Variants in NCOA3 observed in about 807,000 individuals in gnomAD.
The protein encoded by NCOA3 is nuclear receptor coactivator 3.
NCOA3 carries 51 observed loss-of-function variants against 158.8 expected under a neutral mutation model. The ratio of observed to expected loss-of-function variants is 0.32; its 90% CI spans 0.26 to 0.41. The LOEUF (loss-of-function observed/expected upper bound fraction) is 0.41, where lower values mean the gene tolerates loss of function less well. NCOA3 is among the 10% of genes least tolerant of loss of function. The pLI is 1.00. For synonymous variants in NCOA3, 537 were observed against 592.4 expected (o/e 0.91, Z 1.36); for missense variants, 1,510 against 1,746.6 (o/e 0.86, Z 2.41).
intron 1 of NCOA3, among the ~76,000 whole-genome samples, chr20:47,554,125 T>C (rs999464904): frequency 2.6e-5 from 4 of 152,230 alleles, no homozygotes; most frequent in African/African-American, 7.2e-5. Flanking sequence ...ATTGTGGTTT[T>C]GATTTGCATT....
chr20:47,568,640 A>G (rs1256340579), intron 1 of NCOA3, among the ~76,000 whole-genome samples: 1 of 152,058 alleles, frequency 6.6e-6, no homozygotes, highest in Non-Finnish European at 1.5e-5. Context: ...AAACGATGTA[A>G]GAATTAACCA....
intron 2 of NCOA3, among the ~76,000 whole-genome samples, chr20:47,598,090 C>CA (rs1194623075): frequency 6.7e-6 from 1 of 149,814 alleles, no homozygotes; most frequent in Non-Finnish European, 1.5e-5. Flanking sequence ...CTAAAAAATA[C>CA]AAAAAAATTA....
At chr20:47,588,280 G>A (rs2085569844) in intron 2 of NCOA3, among the ~76,000 whole-genome samples, 1 of 151,568 alleles carries the variant, frequency 6.6e-6, no homozygotes, top group African/African-American at 2.4e-5. Context: ...AACTACAGGT[G>A]CGTGCCACCA....
chr20:47,513,597 A>G (rs549350916), intron 1 of NCOA3, among the ~76,000 whole-genome samples: 1 of 152,042 alleles, frequency 6.6e-6, no homozygotes, highest in Non-Finnish European at 1.5e-5. Flanking sequence ...GTGGTGACAC[A>G]CACCTATAAT....
chr20:47,522,211 TC>T (rs1054689337), intron 1 of NCOA3, among the ~76,000 whole-genome samples: 6 of 147,674 alleles, frequency 4.1e-5, no homozygotes, highest in African/African-American at 1.5e-4. Flanking sequence ...CACGCCATTC[TC>T]CTGCCTCAGC....
At position 47,653,185 on chromosome 20, in the gene NCOA3, CTTAAAATATAGTAA is replaced by C. The variant is rs947764431; in HGVS notation, c.4263+116_4263+129del. 6.8e-6 allele frequency: 9 copies of C among 1,322,982 alleles called. No homozygotes were observed. The Admixed American group carries it at 1.3e-4, about 19-fold the overall frequency. 82.0% of individuals were successfully genotyped at this position (1,322,982 alleles called of 1,614,324 possible). ...GGTATATTTTAACTTGAATGTATAACTTAAAATATAGTAATTGAAAAAACTTGGTTTGAAGGCAT... is the reference window on the plus strand; with the variant it reads ...GGTATATTTTAACTTGAATGTATAACTTGAAAAAACTTGGTTTGAAGGCAT... On this transcript the variant is annotated intron_variant, in intron 22 of 22. Coordinates refer to ENST00000371998, the MANE Select transcript of NCOA3 (RefSeq NM_181659.3).
chr20:47,635,538 C>T lies in NCOA3; in HGVS notation c.1329C>T (p.Thr443=), dbSNP rs1229691546. The T allele has an allele frequency of 2.5e-6, 4 of 1,613,908 alleles. No individual in the cohort carries two copies. Among genetic ancestry groups the T allele is most frequent in the East Asian group, 4.5e-5 (2 of 44,880 alleles). The part of the protein sequence containing the change: ...YGGSSNIASL[T]PGPGMQSPSS... ...GTTCCAGTAACATAGCTTCATTGAC[C>T]CCTGGGCCAGGCATGCAATCACCAT... The change falls in exon 11 of 23, where the codon ACC becomes ACT. Residue 443 remains threonine, a synonymous_variant. Transcript: ENST00000371998.
chr20:47,633,290 A>G (rs1198429488), intron 8 of NCOA3, among the ~76,000 whole-genome samples: 1 of 152,128 alleles, frequency 6.6e-6, no homozygotes. Context: ...GTATTATTAT[A>G]CTCCTTAGCA....
At chr20:47,608,336 A>G (rs2085981620) in intron 2 of NCOA3, among the ~76,000 whole-genome samples, 1 of 151,534 alleles carries the variant, frequency 6.6e-6, no homozygotes, top group African/African-American at 2.4e-5. Flanking sequence ...AACAAAACAA[A>G]TAAACCAAAA....
rs2086830899 is a variant in NCOA3 at position 47,653,538 on chromosome 20, A to G, written c.*121A>G. 1 of 1,185,308 alleles carries G rather than the reference A, an allele frequency of 8.4e-7. No individual in the cohort carries two copies. Among genetic ancestry groups the G allele is most frequent in the African/African-American group, 1.5e-5 (1 of 64,686 alleles). The allele number at this position is 1,185,308 out of a possible 1,614,324, so 73.4% of individuals were successfully genotyped here. On this transcript the variant is annotated 3_prime_UTR_variant, in exon 23 of 23. Coordinates refer to ENST00000371998, the MANE Select transcript of NCOA3 (RefSeq NM_181659.3). ...GAAGAAAGGACCAGCTTTGAGCTCC[A>G]TCAAGGGTATTTTAAGTGATGTCAT... is the stretch of plus-strand genomic sequence containing the variant.
chr20:47,580,471 G>T (rs1207818372), intron 1 of NCOA3, among the ~76,000 whole-genome samples: 1 of 151,746 alleles, frequency 6.6e-6, no homozygotes, highest in Non-Finnish European at 1.5e-5. Context: ...CAGGAGAATC[G>T]CTTTAACCCG....
intron 2 of NCOA3, among the ~76,000 whole-genome samples, chr20:47,593,996 T>C (rs993764661): frequency 2.0e-5 from 3 of 152,200 alleles, no homozygotes; most frequent in Non-Finnish European, 4.4e-5. Context: ...AATTAAAATA[T>C]GAACCAAATT....
At chr20:47,585,757 T>G (rs1224833686) in intron 2 of NCOA3, among the ~76,000 whole-genome samples, 1 of 152,072 alleles carries the variant, frequency 6.6e-6, no homozygotes, top group East Asian at 1.9e-4. Context: ...TTTCCTTGGC[T>G]TACAGAAAGA....
intron 1 of NCOA3, among the ~76,000 whole-genome samples, chr20:47,504,703 T>C (rs112109741): frequency 0.067 from 10,067 of 151,170 alleles, 490 homozygotes; most frequent in Middle Eastern, 0.17. Context: ...ACTCAGGAGG[T>C]TGAGGCAGAA....
Position 47,588,381 on chromosome 20 carries a change from C to T in NCOA3, c.-20+5120C>T, listed in dbSNP as rs539507404. Among the ~76,000 whole-genome samples, 259 of 152,024 alleles carry T rather than the reference C, an allele frequency of 1.7e-3. 1 individual carries two copies. The highest frequency in any genetic ancestry group is 1.5e-3 in the Non-Finnish European group (103 of 67,970). Reference sequence around the variant, plus strand: ...AACTCCTGAGGTCAGGCGATCCGCCCGCCTCTGCCTCCCAAGGTGCTGGGA... The same window carrying T: ...AACTCCTGAGGTCAGGCGATCCGCCTGCCTCTGCCTCCCAAGGTGCTGGGA... On this transcript the variant is annotated intron_variant, in intron 2 of 22. Coordinates refer to ENST00000371998, the MANE Select transcript of NCOA3 (RefSeq NM_181659.3).
chr20:47,563,274 A>C (rs1317547013), intron 1 of NCOA3, among the ~76,000 whole-genome samples: 1 of 152,224 alleles, frequency 6.6e-6, no homozygotes, highest in Non-Finnish European at 1.5e-5. Context: ...ATTACAACAA[A>C]ATTATTTGTC....
At chr20:47,502,338 C>T (rs866296935) in intron 1 of NCOA3, among the ~76,000 whole-genome samples, 11 of 152,238 alleles carry the variant, frequency 7.2e-5, no homozygotes, top group East Asian at 1.9e-4. Context: ...GCCCACTTTC[C>T]CCTTCTGTCC....
At chr20:47,641,490 C>CTTTTTTTTTTTTTTTTTTTTTTTTT in intron 16 of NCOA3, among the ~76,000 whole-genome samples, 1 of 48,342 alleles carries the variant, frequency 2.1e-5, no homozygotes, top group Non-Finnish European at 3.5e-5. Flanking sequence ...TGGCTCCCTT[C>CTTTTTTTTTTTTTTTTTTTTTTTTT]TTTTTTTTTT....
intron 1 of NCOA3, among the ~76,000 whole-genome samples, chr20:47,553,215 G>A (rs947092370): frequency 4.6e-5 from 7 of 152,076 alleles, no homozygotes; most frequent in African/African-American, 1.7e-4. Flanking sequence ...GATTACAGGC[G>A]TGAGCCACCG....
Sources: allele counts gnomAD v4.1 joint callset (sites outside exome capture counted in the v4.1 genomes callset), GRCh38; gene constraint gnomAD v4.1.1; transcripts MANE v1.5; gene names NCBI Gene and HGNC (gene_info 2026-07-23, HGNC 2026-07-21).